Variants in GPHN observed in about 807,000 individuals in gnomAD.
GPHN encodes gephyrin.
A neutral mutation model predicts 95.5 loss-of-function variants in GPHN; 17 were observed. The observed-to-expected ratio is 0.18, with a 90% CI of 0.12 to 0.27. The LOEUF (loss-of-function observed/expected upper bound fraction) is 0.27. Among genes scored for constraint, GPHN ranks in the 10% least tolerant of loss-of-function variants. The pLI, the probability that GPHN is intolerant of heterozygous loss-of-function variation, is 1.00. For synonymous variants in GPHN, 320 were observed against 322.5 expected (o/e 0.99, Z 0.08); for missense variants, 660 against 978.1 (o/e 0.67, Z 4.34).
chr14:67,024,665 A>C (rs1241169021), intron 10 of GPHN, among the ~76,000 whole-genome samples: 1 of 152,208 alleles, frequency 6.6e-6, no homozygotes, highest in African/African-American at 2.4e-5. Context: ...GCCCTCTCCC[A>C]GTGGAGCCAT....
At chr14:67,200,112 G>GC in the GPHN span, 314 of 1,044,578 alleles carry the variant, frequency 3.0e-4, 2 homozygotes, top group African/African-American at 1.7e-3. Context: ...CAATGGGCAT[G>GC]CCCCCCCGAA....
the GPHN span, among the ~76,000 whole-genome samples, chr14:67,419,929 A>G: frequency 5.9e-5 from 9 of 151,878 alleles, no homozygotes; most frequent in African/African-American, 2.2e-4. Flanking sequence ...GCTTTTTTCT[A>G]TTCCATGGAA....
At chr14:66,750,121 A>T (rs1448166775) in intron 2 of GPHN, among the ~76,000 whole-genome samples, 1 of 151,896 alleles carries the variant, frequency 6.6e-6, no homozygotes, top group Non-Finnish European at 1.5e-5. Flanking sequence ...TCTTTCTTCC[A>T]AGGATGTTGC....
chr14:66,740,958 A>G (rs2072746365), intron 2 of GPHN, among the ~76,000 whole-genome samples: 3 of 152,188 alleles, frequency 2.0e-5, no homozygotes. Flanking sequence ...TCAAGGTGCT[A>G]GCATCTGGTG....
chr14:66,561,538 A>G (rs904684329), intron 1 of GPHN, among the ~76,000 whole-genome samples: 1 of 152,096 alleles, frequency 6.6e-6, no homozygotes, highest in Admixed American at 6.6e-5. Flanking sequence ...TTTTACATAT[A>G]AGGAAATTGG....
the GPHN span, among the ~76,000 whole-genome samples, chr14:67,321,444 A>G: frequency 2.0e-5 from 3 of 152,192 alleles, no homozygotes; most frequent in Non-Finnish European, 2.9e-5. Context: ...CTCAGAGGGA[A>G]AACATATACA....
the GPHN span, among the ~76,000 whole-genome samples, chr14:67,354,780 A>G: frequency 6.6e-6 from 1 of 152,122 alleles, no homozygotes; most frequent in East Asian, 1.9e-4. Flanking sequence ...ATATGGATTT[A>G]CTTTTTACTA....
the GPHN span, among the ~76,000 whole-genome samples, chr14:67,308,233 T>TA: frequency 8.1e-6 from 1 of 123,942 alleles, no homozygotes; most frequent in Non-Finnish European, 1.5e-5. Flanking sequence ...ACTTAACAGT[T>TA]TAAAAAAAAA....
chr14:67,424,918 C>G, the GPHN span, among the ~76,000 whole-genome samples: 1 of 152,222 alleles, frequency 6.6e-6, no homozygotes, highest in Admixed American at 6.5e-5. Flanking sequence ...TTCCTTCCTC[C>G]CCAAGGCTGG....
At chr14:67,426,202 C>A in the GPHN span, among the ~76,000 whole-genome samples, 1 of 152,072 alleles carries the variant, frequency 6.6e-6, no homozygotes, top group South Asian at 2.1e-4. Flanking sequence ...ACAAGCAGAA[C>A]AACAGTCTCG....
chr14:67,712,978 T>A, the GPHN span, among the ~76,000 whole-genome samples: 1 of 152,130 alleles, frequency 6.6e-6, no homozygotes, highest in East Asian at 1.9e-4. Context: ...TTCAGAGGAC[T>A]TATTCCCCAT....
intron 2 of GPHN, among the ~76,000 whole-genome samples, chr14:66,717,380 T>C (rs975204901): frequency 6.6e-6 from 1 of 152,224 alleles, no homozygotes; most frequent in African/African-American, 2.4e-5. Context: ...GTCTATTTCA[T>C]TGAATATTTC....
chr14:67,333,441 T>TAG, the GPHN span: 4 of 152,670 alleles, frequency 2.6e-5, no homozygotes, highest in Admixed American at 2.6e-4. Flanking sequence ...GGAAACTAAT[T>TAG]TAGTCATCAG....
the GPHN span, chr14:67,571,190 T>C: frequency 1.0e-4 from 16 of 155,406 alleles, no homozygotes; most frequent in African/African-American, 3.6e-4. Flanking sequence ...AACTTATATC[T>C]ACATGTGTCT....
chr14:67,298,771 T>G, the GPHN span, among the ~76,000 whole-genome samples: 1 of 152,198 alleles, frequency 6.6e-6, no homozygotes, highest in Non-Finnish European at 1.5e-5. Context: ...TATCAAGTTG[T>G]AGAAGCATCC....
the GPHN span, chr14:67,589,320 T>A: frequency 2.0e-6 from 2 of 977,058 alleles, no homozygotes; most frequent in Non-Finnish European, 2.4e-6. Flanking sequence ...ATTCAATATT[T>A]GCTTATTTAT....
chr14:66,564,064 A>G (rs1342529003), intron 1 of GPHN, among the ~76,000 whole-genome samples: 1 of 151,966 alleles, frequency 6.6e-6, no homozygotes, highest in Non-Finnish European at 1.5e-5. Context: ...TGAAGTTCCC[A>G]TTCATCTTCA....
intron 3 of GPHN, among the ~76,000 whole-genome samples, chr14:66,784,874 C>G (rs1354028967): frequency 6.6e-6 from 1 of 152,144 alleles, no homozygotes; most frequent in Non-Finnish European, 1.5e-5. Flanking sequence ...GGCCTATGGT[C>G]TTAATACTTA....
intron 18 of GPHN, among the ~76,000 whole-genome samples, chr14:67,154,782 T>TG (rs1211650045): frequency 2.0e-5 from 3 of 152,136 alleles, no homozygotes; most frequent in Admixed American, 6.5e-5. Context: ...TTTCTGCTTC[T>TG]GCTATGATAG....
Sources: gnomAD v4.1 joint callset for allele counts (sites outside exome capture counted in the v4.1 genomes callset) on GRCh38, gnomAD v4.1.1 for gene constraint, MANE v1.5 for transcripts, NCBI Gene and HGNC (gene_info 2026-07-23, HGNC 2026-07-21) for gene names.